UTP6: variants seen among roughly 807,000 people sequenced by gnomAD.
UTP6 encodes U3 small nucleolar RNA-associated protein 6 homolog.
Under a neutral mutation model 96.5 loss-of-function variants are expected in UTP6, and 60 were observed. The ratio of observed to expected loss-of-function variants is 0.62; its 90% CI spans 0.51 to 0.77. The LOEUF (loss-of-function observed/expected upper bound fraction) is 0.77, where lower values mean the gene tolerates loss of function less well. UTP6 is among the 30% of genes least tolerant of loss of function. The pLI, the probability that UTP6 is intolerant of heterozygous loss-of-function variation, is 0.00. For missense variants in UTP6, 637 were observed against 706.5 expected, an observed-to-expected ratio of 0.90 and a Z score of 1.12; for synonymous variants, 215 against 240.1, an observed-to-expected ratio of 0.90 and a Z score of 0.96.
At chr17:31,869,839 C>T (rs1315578065) in intron 16 of UTP6, among the ~76,000 whole-genome samples, 1 of 152,076 alleles carries the variant, frequency 6.6e-6, no homozygotes, top group Non-Finnish European at 1.5e-5. Flanking sequence ...ACCCTCCTTC[C>T]CCCTATCCTG....
chr17:31,874,208 G>T, intron 14 of UTP6: 1 of 161,998 alleles, frequency 6.2e-6, no homozygotes, highest in Non-Finnish European at 1.3e-5. Context: ...AATTAATCTA[G>T]GCTGAACTAT....
intron 4 of UTP6, among the ~76,000 whole-genome samples, chr17:31,893,205 C>T (rs7406056): frequency 0.13 from 20,354 of 151,854 alleles, 1,513 homozygotes; most frequent in Middle Eastern, 0.19. Context: ...GCCGGGAGGC[C>T]GAGATCGGGC....
At chr17:31,893,430 CAA>C (rs1295621293) in intron 4 of UTP6, among the ~76,000 whole-genome samples, 7 of 50,600 alleles carry the variant, frequency 1.4e-4, no homozygotes, top group Non-Finnish European at 2.1e-4. Context: ...GACTCCACCT[CAA>C]AAAAAAAAAA....
In UTP6 at chr17:31,862,372, C is replaced by A. The variant is rs1909589082; in HGVS notation, c.*987G>T. On this transcript the variant is annotated 3_prime_UTR_variant, in exon 19 of 19. Coordinates refer to ENST00000261708, the MANE Select transcript of UTP6 (RefSeq NM_018428.3). ...TTTTTACAATGTAATGTTACGAATT[C>A]ATTAAATGTTTTTAAGGCTATTTAA... The A allele has an allele frequency of 6.6e-6, 1 of 151,862 alleles. No homozygotes were observed. The highest frequency in any genetic ancestry group is 2.1e-4 in the South Asian group (1 of 4,820). 9.4% of individuals were successfully genotyped at this position (151,862 alleles called of 1,614,324 possible). A position where few individuals can be genotyped will look rare whatever the true frequency, so the allele number is the denominator to read the frequency against.
chr17:31,876,048 T>C (rs1910484614), intron 13 of UTP6, among the ~76,000 whole-genome samples: 1 of 151,862 alleles, frequency 6.6e-6, no homozygotes, highest in Non-Finnish European at 1.5e-5. Context: ...TTTTCTTTTT[T>C]TTGGAGACAG....
chr17:31,885,339 T>A (rs1250059902), intron 9 of UTP6, among the ~76,000 whole-genome samples: 2 of 151,396 alleles, frequency 1.3e-5, no homozygotes, highest in South Asian at 2.1e-4. Flanking sequence ...GAAATGGGGT[T>A]TCACCATGTG....
intron 6 of UTP6, among the ~76,000 whole-genome samples, chr17:31,889,676 T>G (rs1328748506): frequency 6.6e-6 from 1 of 151,878 alleles, no homozygotes; most frequent in Non-Finnish European, 1.5e-5. Context: ...TTTTTTGTAT[T>G]TTTAGTAGAG....
At position 31,901,588 on chromosome 17, in the gene UTP6, G is replaced by A. The variant is rs1263172853; in HGVS notation, c.40C>T (p.Pro14Ser). 2 of 1,613,982 alleles carry A rather than the reference G, an allele frequency of 1.2e-6. No individual in the cohort carries two copies. Among genetic ancestry groups the A allele is most frequent in the Non-Finnish European group, 1.7e-6 (2 of 1,180,026 alleles). ...IIQERIEDRLPELEQLERIGL... is the reference protein window; with the variant it reads ...IIQERIEDRLSELEQLERIGL... ...ATGCGCTCCAGCTGTTCCAATTCCG[G>A]GAGCCGATCTTCTATGCGTTCCTGA... The change falls in exon 1 of 19, where the codon CCG (proline) becomes TCG (serine). Residue 14 changes from proline (P) to serine (S), a missense_variant. Physicochemically the swap from Pro to Ser is moderately conservative, Grantham distance 74. Coordinates refer to ENST00000261708, the MANE Select transcript of UTP6 (RefSeq NM_018428.3).
intron 2 of UTP6, 130 bp from the exon 3 acceptor site, chr17:31,895,141 A>G (rs1049372934): frequency 1.5e-6 from 1 of 675,666 alleles, no homozygotes; most frequent in African/African-American, 1.9e-5. Flanking sequence ...CTATCACATA[A>G]TTTACAATAA....
intron 10 of UTP6, among the ~76,000 whole-genome samples, chr17:31,883,604 C>T (rs956663585): frequency 5.3e-5 from 8 of 151,876 alleles, no homozygotes; most frequent in African/African-American, 9.7e-5. Flanking sequence ...CTTAAGCCAC[C>T]GTGCCTGGCT....
chr17:31,887,389 AC>A, intron 7 of UTP6, 76 bp from the exon 8 acceptor site: 5 of 1,243,180 alleles, frequency 4.0e-6, no homozygotes, highest in Non-Finnish European at 5.8e-6. Flanking sequence ...TTGCTCTGTC[AC>A]CCAAGCTGGA....
chr17:31,892,382 T>C (rs1436597022), intron 5 of UTP6, 59 bp from the exon 6 acceptor site: 1 of 1,504,938 alleles, frequency 6.6e-7, no homozygotes, highest in African/African-American at 1.4e-5. Flanking sequence ...TCTTACTCTC[T>C]AAGTAATATG....
In UTP6 at chr17:31,884,187, G is replaced by A. The variant is rs181208955; in HGVS notation, c.785+237C>T. On this transcript the variant is annotated intron_variant, in intron 10 of 18. Coordinates refer to ENST00000261708, the MANE Select transcript of UTP6 (RefSeq NM_018428.3). ...CTAATTTTGTATTTTTAGTAGAGAC[G>A]GGGTTTCACCATGTTGGTCAAGCTG... 1.4e-4 allele frequency among the ~76,000 whole-genome samples: 22 copies of A among 151,768 alleles called. No individual in the cohort carries two copies. In the East Asian group the frequency reaches 2.3e-3, roughly 16 times the overall value.
At chr17:31,873,011 G>A (rs1910277026) in intron 16 of UTP6, among the ~76,000 whole-genome samples, 1 of 152,158 alleles carries the variant, frequency 6.6e-6, no homozygotes, top group Admixed American at 6.6e-5. Flanking sequence ...TGCACTTTGG[G>A]AGGCTGAGGT....
Position 31,878,289 on chromosome 17 carries a change from A to T in UTP6, c.1086T>A (p.His362Gln), listed in dbSNP as rs995816638. The change falls in exon 13 of 19, where the codon CAT becomes CAA. Residue 362 changes from histidine (H) to glutamine (Q), a missense_variant. His to Gln is a conservative substitution (Grantham distance 24). Coordinates refer to ENST00000261708, the MANE Select transcript of UTP6 (RefSeq NM_018428.3). Reference protein sequence around the residue: ...ERTMTVFRKAHELKLLSECQY... With the variant: ...ERTMTVFRKAQELKLLSECQY... ...GGCATTCTGACAGAAGCTTCAGTTC[A>T]TGTGCCTTCCTGAATACAGTCATGG... The T allele has an allele frequency of 1.2e-6, 2 of 1,614,062 alleles. No individual in the cohort carries two copies. Among genetic ancestry groups the T allele is most frequent in the African/African-American group, 1.3e-5 (1 of 74,934 alleles).
In UTP6 at chr17:31,862,604, C is replaced by T. The variant is rs1909596740; in HGVS notation, c.*755G>A. The T allele has an allele frequency of 6.6e-6, 1 of 151,280 alleles. No homozygotes were observed. Among genetic ancestry groups the T allele is most frequent in the Non-Finnish European group, 1.5e-5 (1 of 67,866 alleles). The allele number at this position is 151,280 out of a possible 1,614,324, so 9.4% of individuals were successfully genotyped here. A position where few individuals can be genotyped will look rare whatever the true frequency, so the allele number is the denominator to read the frequency against. On this transcript the variant is annotated 3_prime_UTR_variant, in exon 19 of 19. Coordinates refer to ENST00000261708, the MANE Select transcript of UTP6 (RefSeq NM_018428.3). ...TTTTTCCTTGAGAAGGAGTTTCGCT[C>T]TTCTTACCCAGGATGGAGTAGCAAT...
At chr17:31,901,162 T>C (rs1904959436) in intron 1 of UTP6, 2 of 187,084 alleles carry the variant, frequency 1.1e-5, no homozygotes, top group African/African-American at 4.6e-5. Context: ...TCTGTTCCCA[T>C]CCCTACAGCA....
At chr17:31,871,415 T>C (rs1240187062) in intron 16 of UTP6, among the ~76,000 whole-genome samples, 1 of 152,114 alleles carries the variant, frequency 6.6e-6, no homozygotes, top group African/African-American at 2.4e-5. Flanking sequence ...TGAACCACCG[T>C]GCCCAGCTCA....
chr17:31,887,236 C>T lies in UTP6; in HGVS notation c.621G>A (p.Val207=). 12 of 1,613,526 alleles carry T rather than the reference C, an allele frequency of 7.4e-6. No homozygotes were observed. Among genetic ancestry groups the T allele is most frequent in the Non-Finnish European group, 1.0e-5 (12 of 1,179,494 alleles). The change falls in exon 8 of 19, where the codon GTG becomes GTA. Residue 207 remains valine, a splice_region_variant and synonymous_variant. Coordinates refer to ENST00000261708, the MANE Select transcript of UTP6 (RefSeq NM_018428.3). ...GAGAATAAAATAATTAGAACCTTAC[C>T]ACATCCATACTGGCTTTTTCAAATT... ...KEEFEKASMD[V]ENPDYSEEIL...
Sources: gnomAD v4.1 joint callset for allele counts (sites outside exome capture counted in the v4.1 genomes callset) on GRCh38, gnomAD v4.1.1 for gene constraint, MANE v1.5 for transcripts, NCBI Gene and HGNC (gene_info 2026-07-23, HGNC 2026-07-21) for gene names.